The following RGS7 variants were observed in gnomAD, a reference collection of about 807,000 sequenced individuals.
The protein encoded by RGS7 is regulator of G-protein signaling 7.
Under a neutral mutation model 81.1 loss-of-function variants are expected in RGS7, and 27 were observed. The observed-to-expected ratio is 0.33, with a 90% confidence interval of 0.25 to 0.46. RGS7 has a LOEUF of 0.46. RGS7 is among the 20% of genes least tolerant of loss of function. The pLI, the probability that RGS7 is intolerant of heterozygous loss-of-function variation, is 1.00. For missense variants in RGS7, 396 were observed against 607.4 expected, an observed-to-expected ratio of 0.65 and a Z score of 3.66; for synonymous variants, 208 against 207.7, an observed-to-expected ratio of 1.00 and a Z score of -0.01.
At chr1:240,881,203 C>T (rs1481023058) in intron 6 of RGS7, among the ~76,000 whole-genome samples, 2 of 152,084 alleles carry the variant, frequency 1.3e-5, no homozygotes, top group African/African-American at 4.8e-5. Flanking sequence ...TTTGTAGGGA[C>T]ATGGATGAAG....
rs1289244437 is a variant in RGS7, at chr1:241,211,660, T to C, written c.79-112898A>G. Among the ~76,000 whole-genome samples the C allele has an allele frequency of 4.6e-5, 7 of 152,326 alleles. No homozygotes were observed. The East Asian group carries it at 9.6e-4, about 21-fold the overall frequency. On this transcript the variant is annotated intron_variant, in intron 2 of 18. Transcript: ENST00000440928. The stretch of plus-strand genomic sequence containing the variant: ...GGTCAAATCAATCTTCTACAAGGAA[T>C]TGAACTTCGAGCACTTTGAAGTTTC...
Position 241,314,204 on chromosome 1 carries a change from A to T in RGS7, c.78+41495T>A, listed in dbSNP as rs545658293. On this transcript the variant is annotated intron_variant, in intron 2 of 18. Coordinates refer to ENST00000440928, the MANE Select transcript of RGS7 (RefSeq NM_001364886.1). ...TGGATAAAATGCTCTCAAACAGCATAACATGCAATGGAGAAATCTTTCGTG... is the reference window on the plus strand; with the variant it reads ...TGGATAAAATGCTCTCAAACAGCATTACATGCAATGGAGAAATCTTTCGTG... Among the ~76,000 whole-genome samples, 137 of 152,372 alleles carry T rather than the reference A, an allele frequency of 9.0e-4. 2 individuals are homozygous for T. The highest frequency in any genetic ancestry group is 3.0e-3 in the African/African-American group (126 of 41,586).
chr1:241,323,727 A>G (rs568153807), intron 2 of RGS7, among the ~76,000 whole-genome samples: 56 of 152,310 alleles, frequency 3.7e-4, no homozygotes, highest in East Asian at 2.5e-3. Flanking sequence ...AGGTCCTGAT[A>G]CCCTGAGGTT....
At chr1:241,228,711 C>A (rs1209291489) in intron 2 of RGS7, among the ~76,000 whole-genome samples, 1 of 152,136 alleles carries the variant, frequency 6.6e-6, no homozygotes, top group East Asian at 1.9e-4. Context: ...GTCTGAAGCT[C>A]TTTCCAAAAT....
At chr1:241,173,823 C>T (rs1194486368) in intron 2 of RGS7, among the ~76,000 whole-genome samples, 1 of 152,132 alleles carries the variant, frequency 6.6e-6, no homozygotes, top group Non-Finnish European at 1.5e-5. Context: ...TTGCTTCCTG[C>T]CCCTACCACC....
chr1:241,325,270 G>A (rs1015467777), intron 2 of RGS7, among the ~76,000 whole-genome samples: 1 of 152,162 alleles, frequency 6.6e-6, no homozygotes, highest in South Asian at 2.1e-4. Flanking sequence ...TAAGGGGGAG[G>A]CACTGAAACC....
intron 2 of RGS7, among the ~76,000 whole-genome samples, chr1:241,304,760 A>G (rs1357556682): frequency 6.6e-6 from 1 of 152,256 alleles, no homozygotes; most frequent in Non-Finnish European, 1.5e-5. Flanking sequence ...CTGGCTTAAA[A>G]ATAAAGAAAA....
intron 2 of RGS7, among the ~76,000 whole-genome samples, chr1:241,149,747 C>A (rs2068610045): frequency 6.6e-6 from 1 of 152,124 alleles, no homozygotes; most frequent in Admixed American, 6.6e-5. Flanking sequence ...TAGTGACTGA[C>A]AGTGGAGAGG....
At chr1:241,274,516 G>A (rs2148364235) in intron 2 of RGS7, among the ~76,000 whole-genome samples, 1 of 152,174 alleles carries the variant, frequency 6.6e-6, no homozygotes, top group East Asian at 1.9e-4. Flanking sequence ...TTATAACACT[G>A]ATGCCTATCT....
At chr1:240,915,410 A>G (rs1388862491) in intron 6 of RGS7, among the ~76,000 whole-genome samples, 1 of 152,146 alleles carries the variant, frequency 6.6e-6, no homozygotes, top group Non-Finnish European at 1.5e-5. Flanking sequence ...CTTCCCCTGC[A>G]CCTTACCACA....
chr1:241,047,587 C>A (rs1464143442), intron 3 of RGS7, among the ~76,000 whole-genome samples: 1 of 152,148 alleles, frequency 6.6e-6, no homozygotes, highest in Non-Finnish European at 1.5e-5. Context: ...CAACAGGGAA[C>A]TTGACTTTCA....
At chr1:240,812,815 C>T (rs1350481551) in intron 13 of RGS7, among the ~76,000 whole-genome samples, 1 of 152,168 alleles carries the variant, frequency 6.6e-6, no homozygotes, top group African/African-American at 2.4e-5. Context: ...CAAAAGATCT[C>T]AATACTAGCT....
intron 2 of RGS7, among the ~76,000 whole-genome samples, chr1:241,220,919 G>C (rs1341255420): frequency 6.8e-6 from 1 of 146,550 alleles, no homozygotes; most frequent in Non-Finnish European, 1.5e-5. Flanking sequence ...GAAAGGAAAG[G>C]AAGAAAGGAA....
Position 240,859,047 on chromosome 1 carries a change from T to C in RGS7, c.609+9540A>G, listed in dbSNP as rs190239525. Among the ~76,000 whole-genome samples the C allele has an allele frequency of 1.6e-3, 245 of 152,332 alleles. 1 individual carries two copies. The highest frequency in any genetic ancestry group is 6.8e-3 in the Middle Eastern group (2 of 294). On this transcript the variant is annotated intron_variant, in intron 9 of 18. Coordinates refer to ENST00000440928, the MANE Select transcript of RGS7 (RefSeq NM_001364886.1). ...CCACTCTGCTATTTTCTGGAAAAGATTGTAAAGAATTGATATAATTTGTCC... is the reference window on the plus strand; with the variant it reads ...CCACTCTGCTATTTTCTGGAAAAGACTGTAAAGAATTGATATAATTTGTCC...
At chr1:240,880,460 C>T (rs563157547) in intron 6 of RGS7, among the ~76,000 whole-genome samples, 8 of 152,324 alleles carry the variant, frequency 5.3e-5, no homozygotes, top group Admixed American at 2.6e-4. Context: ...TTTCCCATCA[C>T]GGCTGTTGAC....
At chr1:241,154,852 C>T (rs953989157) in intron 2 of RGS7, among the ~76,000 whole-genome samples, 3 of 151,896 alleles carry the variant, frequency 2.0e-5, no homozygotes, top group Admixed American at 1.3e-4. Flanking sequence ...CAAATGCTCA[C>T]GTCTAGGGCT....
At chr1:241,188,147 T>C (rs997784356) in intron 2 of RGS7, among the ~76,000 whole-genome samples, 8 of 152,180 alleles carry the variant, frequency 5.3e-5, no homozygotes, top group Admixed American at 4.6e-4. Context: ...CAAATTACCA[T>C]AACTTGATCA....
chr1:240,967,118 T>C (rs972167200), intron 4 of RGS7, among the ~76,000 whole-genome samples: 23 of 152,162 alleles, frequency 1.5e-4, no homozygotes, highest in African/African-American at 5.5e-4. Flanking sequence ...GGGGTGGTGT[T>C]TGTCATGTCA....
At chr1:241,161,500 T>G (rs1275259968) in intron 2 of RGS7, among the ~76,000 whole-genome samples, 1 of 129,940 alleles carries the variant, frequency 7.7e-6, no homozygotes, top group Admixed American at 8.1e-5. Flanking sequence ...ATAATTATAT[T>G]ATTATAACTA....
Sources: allele counts gnomAD v4.1 joint callset (sites outside exome capture counted in the v4.1 genomes callset), GRCh38; gene constraint gnomAD v4.1.1; transcripts MANE v1.5; gene names NCBI Gene and HGNC (gene_info 2026-07-23, HGNC 2026-07-21).